ERICH1: variants seen among roughly 807,000 people sequenced by gnomAD.
The protein encoded by ERICH1 is glutamate-rich protein 1.
Under a neutral mutation model 39.6 loss-of-function variants are expected in ERICH1, and 56 were observed. The observed-to-expected ratio is 1.41, with a 90% CI of 1.14 to 1.77. ERICH1 has a LOEUF of 1.77. Among genes scored for constraint, ERICH1 ranks in the 40% most tolerant of loss-of-function variants. The probability of loss-of-function intolerance (pLI) is 0.00; values close to 1 mark genes in which losing one functional copy is unlikely to be tolerated. For missense variants in ERICH1, 826 were observed against 575.4 expected, an observed-to-expected ratio of 1.44 and a Z score of -4.45; for synonymous variants, 313 against 223.6, an observed-to-expected ratio of 1.40 and a Z score of -3.57.
intron 2 of ERICH1, among the ~76,000 whole-genome samples, chr8:710,957 A>C (rs1315911624): frequency 1.3e-5 from 2 of 152,200 alleles, no homozygotes; most frequent in African/African-American, 2.4e-5. Context: ...CTGTCTTCCA[A>C]AGTGGCTGCC....
At chr8:727,873 G>A (rs1010236658) in intron 1 of ERICH1, among the ~76,000 whole-genome samples, 3 of 152,184 alleles carry the variant, frequency 2.0e-5, no homozygotes, top group Non-Finnish European at 2.9e-5. Context: ...GCAGTGAGAC[G>A]AATGCAGGGG....
intron 3 of ERICH1, among the ~76,000 whole-genome samples, chr8:683,965 G>A (rs1408908289): frequency 1.3e-5 from 2 of 152,156 alleles, no homozygotes; most frequent in Non-Finnish European, 2.9e-5. Flanking sequence ...GTTTTGAATA[G>A]GCTTGAATTA....
chr8:624,539 AG>A (rs1563162677), intron 3 of ERICH1, among the ~76,000 whole-genome samples: 2 of 152,192 alleles, frequency 1.3e-5, no homozygotes, highest in African/African-American at 2.4e-5. Flanking sequence ...TAATTTCTAA[AG>A]AAAAGATGTT....
chr8:677,826 G>C (rs78623007), intron 3 of ERICH1, among the ~76,000 whole-genome samples: 2 of 152,014 alleles, frequency 1.3e-5, no homozygotes. Context: ...TCACGGGGGC[G>C]ACCCTCATCA....
At chr8:615,065 A>G in exon 4 of ERICH1, 1 of 585,482 alleles carries the variant, frequency 1.7e-6, no homozygotes, top group South Asian at 2.2e-5. Flanking sequence ...CCCTGTACCC[A>G]TCGGCCACTG....
chr8:617,932 G>A (rs548811870), intron 3 of ERICH1, among the ~76,000 whole-genome samples: 32 of 142,114 alleles, frequency 2.3e-4, no homozygotes, highest in African/African-American at 8.0e-4. Flanking sequence ...CTGAGTGCTC[G>A]GTACTTGGTC....
intron 3 of ERICH1, among the ~76,000 whole-genome samples, chr8:649,643 C>A (rs1428038361): frequency 6.6e-6 from 1 of 152,106 alleles, no homozygotes; most frequent in Non-Finnish European, 1.5e-5. Flanking sequence ...GCTGTGAGCC[C>A]TTCCTGCAGG....
chr8:652,073 A>G (rs1266156987), intron 3 of ERICH1, among the ~76,000 whole-genome samples: 1 of 152,146 alleles, frequency 6.6e-6, no homozygotes, highest in East Asian at 1.9e-4. Context: ...GCGCTGGGGC[A>G]TCTCTGCATA....
At chr8:642,564 T>A (rs1585012528) in intron 3 of ERICH1, among the ~76,000 whole-genome samples, 1 of 151,994 alleles carries the variant, frequency 6.6e-6, no homozygotes, top group Non-Finnish European at 1.5e-5. Context: ...CAGGATGGTC[T>A]CGATCTTCTG....
chr8:701,673 A>G (rs1812182818), intron 2 of ERICH1, among the ~76,000 whole-genome samples: 2 of 152,272 alleles, frequency 1.3e-5, no homozygotes, highest in African/African-American at 4.8e-5. Flanking sequence ...AAAAGCGTAA[A>G]ATATCTTTGT....
At chr8:643,587 G>A (rs919765354) in intron 3 of ERICH1, among the ~76,000 whole-genome samples, 16 of 151,212 alleles carry the variant, frequency 1.1e-4, no homozygotes, top group Non-Finnish European at 1.8e-4. Context: ...CCTCACCTTT[G>A]AAGAAAACCA....
chr8:700,134 GACCC>G (rs1811576623), intron 2 of ERICH1, among the ~76,000 whole-genome samples: 1 of 121,852 alleles, frequency 8.2e-6, no homozygotes, highest in East Asian at 2.6e-4. Context: ...CAGGCGCACA[GACCC>G]GCACAGGCGC....
chr8:717,156 T>C (rs1458963062), intron 1 of ERICH1, among the ~76,000 whole-genome samples: 1 of 152,196 alleles, frequency 6.6e-6, no homozygotes, highest in Non-Finnish European at 1.5e-5. Flanking sequence ...GCACAAAGCC[T>C]GCTTTTGCTG....
rs538484273 is a variant in ERICH1, at chr8:719,023, C to A, written c.23-3016G>T. ...CAGTGCACATGCCAATGTCCCAACA[C>A]CCTCCTGAGGAGCTTCCCCATAGAC... On this transcript the variant is annotated intron_variant, in intron 1 of 5. Coordinates refer to ENST00000262109, the MANE Select transcript of ERICH1 (RefSeq NM_207332.3). Among the ~76,000 whole-genome samples, 17 of 152,322 alleles carry A rather than the reference C, an allele frequency of 1.1e-4. No individual in the cohort carries two copies. The South Asian group carries it at 2.1e-3, about 19-fold the overall frequency.
intron 3 of ERICH1, among the ~76,000 whole-genome samples, chr8:640,160 G>C (rs553373216): frequency 6.6e-6 from 1 of 152,192 alleles, no homozygotes. Context: ...GGAGATAACC[G>C]AGAAACTGAG....
At chr8:674,529 C>T (rs143171527) in intron 3 of ERICH1, among the ~76,000 whole-genome samples, 1,720 of 152,194 alleles carry the variant, frequency 0.011, 14 homozygotes, top group Non-Finnish European at 0.015. Context: ...GTCTCAAACT[C>T]CTGGTCTCAA....
At chr8:615,745 G>C (rs1331527564) in intron 3 of ERICH1, 1 of 153,306 alleles carries the variant, frequency 6.5e-6, no homozygotes, top group African/African-American at 2.4e-5. Context: ...GAATTGAGTG[G>C]AATGACAGAA....
chr8:640,580 A>G (rs1798867488), intron 3 of ERICH1: 1 of 152,360 alleles, frequency 6.6e-6, no homozygotes, highest in Non-Finnish European at 1.5e-5. Context: ...ATATGAGGCT[A>G]ACCTCAAGCT....
chr8:643,322 C>T (rs1465335636), intron 3 of ERICH1, among the ~76,000 whole-genome samples: 1 of 152,158 alleles, frequency 6.6e-6, no homozygotes. Flanking sequence ...GCTGGCCAGG[C>T]GCAGGCTGCG....
Sources: gnomAD v4.1 joint callset for allele counts (sites outside exome capture counted in the v4.1 genomes callset) on GRCh38, gnomAD v4.1.1 for gene constraint, MANE v1.5 for transcripts, NCBI Gene and HGNC (gene_info 2026-07-23, HGNC 2026-07-21) for gene names.